The following LARP4B variants were observed in gnomAD, a reference collection of about 807,000 sequenced individuals.
LARP4B encodes the protein La ribonucleoprotein 4B, also known as la-related protein 4B.
Under a neutral mutation model 89.8 loss-of-function variants are expected in LARP4B, and 12 were observed. The observed-to-expected ratio is 0.13, with a 90% CI of 0.09 to 0.22. LARP4B has a LOEUF of 0.22. LARP4B is among the 10% of genes least tolerant of loss of function. LARP4B has a pLI of 1.00. For synonymous variants in LARP4B, 367 were observed against 363.3 expected (o/e 1.01, Z -0.12); for missense variants, 757 against 947.7 (o/e 0.80, Z 2.64).
At chr10:842,900 A>G in intron 7 of LARP4B, 32 bp downstream of exon 7, 1 of 1,599,112 alleles carries the variant, frequency 6.3e-7, no homozygotes, top group Non-Finnish European at 8.6e-7. Context: ...TCTAAGGACA[A>G]GTATTATTAA....
At position 920,752 on chromosome 10, in the gene LARP4B, A is replaced by G. The variant is rs1836956666; in HGVS notation, c.-40+10676T>C. The stretch of plus-strand genomic sequence containing the variant: ...CAGCCACTGCACTTCAGCCTGGGGG[A>G]CAAAGTGAGACTCTGTCTCAAAAAA... On this transcript the variant is annotated intron_variant, in intron 1 of 17. Transcript: ENST00000316157. Among the ~76,000 whole-genome samples the G allele has an allele frequency of 2.6e-5, 4 of 152,240 alleles. No individual in the cohort carries two copies. The Middle Eastern group carries it at 0.014, about 518-fold the overall frequency.
intron 5 of LARP4B, among the ~76,000 whole-genome samples, chr10:861,581 G>A (rs1299639653): frequency 6.6e-6 from 1 of 152,076 alleles, no homozygotes; most frequent in East Asian, 1.9e-4. Flanking sequence ...ACTTTAACAT[G>A]TTGTTATTTC....
the LARP4B span, among the ~76,000 whole-genome samples, chr10:956,503 G>T: frequency 6.6e-6 from 1 of 151,844 alleles, no homozygotes; most frequent in South Asian, 2.1e-4. The surrounding 1 kb of genome is among the most constrained non-coding windows in gnomAD (Gnocchi z 4.3). Flanking sequence ...CCGCCACCAC[G>T]CCCAGCTAAT....
the LARP4B span, among the ~76,000 whole-genome samples, chr10:965,869 G>C: frequency 1.3e-5 from 2 of 152,114 alleles, no homozygotes; most frequent in Non-Finnish European, 2.9e-5. Flanking sequence ...AAAGGAAGCA[G>C]CCATGGAAAC....
rs187040533 is a variant in LARP4B at position 811,968 on chromosome 10, C to T, written c.*958G>A. 4 of 152,542 alleles carry T rather than the reference C, an allele frequency of 2.6e-5. No homozygotes were observed. The highest frequency in any genetic ancestry group is 1.3e-4 in the Admixed American group (2 of 15,306). The allele number at this position is 152,542 out of a possible 1,614,324, so 9.4% of individuals were successfully genotyped here. The stretch of plus-strand genomic sequence containing the variant: ...CAAAGAGGGGGAAAAACCACAAACA[C>T]CATTCTCTCACGATTACATAACTCT... On this transcript the variant is annotated 3_prime_UTR_variant, in exon 18 of 18. Transcript: ENST00000316157.
upstream of LARP4B, among the ~76,000 whole-genome samples, chr10:932,012 G>A (rs1239915479): frequency 7.5e-6 from 1 of 132,906 alleles, no homozygotes; most frequent in Non-Finnish European, 1.6e-5. Flanking sequence ...TCCCCGGCGC[G>A]ACCGGAGCGC....
chr10:984,532 G>A, the LARP4B span, among the ~76,000 whole-genome samples: 1 of 152,178 alleles, frequency 6.6e-6, no homozygotes, highest in Admixed American at 6.5e-5. Flanking sequence ...ACGTGAGCAA[G>A]GGCAGAAGTT....
intron 1 of LARP4B, among the ~76,000 whole-genome samples, chr10:926,976 G>C (rs1312060756): frequency 1.3e-5 from 2 of 151,516 alleles, no homozygotes; most frequent in African/African-American, 4.9e-5. Context: ...GGAGGCAGAG[G>C]TTGCAGTGAG....
intron 1 of LARP4B, among the ~76,000 whole-genome samples, chr10:919,762 C>G (rs1836929777): frequency 6.6e-6 from 1 of 152,350 alleles, no homozygotes; most frequent in Middle Eastern, 3.4e-3. Flanking sequence ...TGCACACAGA[C>G]TCCTGTGTTA....
At chr10:940,776 C>G in the LARP4B span, among the ~76,000 whole-genome samples, 4 of 151,838 alleles carry the variant, frequency 2.6e-5, no homozygotes, top group Non-Finnish European at 5.9e-5. Flanking sequence ...CTGGGGTGGC[C>G]GGTCAATGCC....
intron 3 of LARP4B, among the ~76,000 whole-genome samples, chr10:867,862 GAAAAAAAA>G (rs903762145): frequency 4.4e-4 from 19 of 43,386 alleles, no homozygotes; most frequent in African/African-American, 1.5e-3. Context: ...CTCCATCCTT[GAAAAAAAA>G]AAAAAAAAAA....
chr10:983,556 T>C, the LARP4B span, among the ~76,000 whole-genome samples: 1 of 152,174 alleles, frequency 6.6e-6, no homozygotes, highest in African/African-American at 2.4e-5. Flanking sequence ...CTCTCTGTGC[T>C]CACATGGTCT....
At chr10:959,233 T>C in the LARP4B span, among the ~76,000 whole-genome samples, 1 of 152,128 alleles carries the variant, frequency 6.6e-6, no homozygotes, top group Non-Finnish European at 1.5e-5. Context: ...TGTGGAAATA[T>C]GCGTATTCTC....
chr10:907,271 T>C (rs1836518889), intron 1 of LARP4B, among the ~76,000 whole-genome samples: 1 of 152,150 alleles, frequency 6.6e-6, no homozygotes, highest in African/African-American at 2.4e-5. Context: ...TGGCAACAAA[T>C]GTGGGAAAAA....
At chr10:923,841 A>G (rs11253515) in intron 1 of LARP4B, among the ~76,000 whole-genome samples, 3,930 of 152,266 alleles carry the variant, frequency 0.026, 170 homozygotes, top group African/African-American at 0.09. Context: ...AAATGTTCTC[A>G]TTTTTCAGAG....
chr10:863,400 A>ATT (rs1279380085), intron 5 of LARP4B, among the ~76,000 whole-genome samples: 3 of 147,278 alleles, frequency 2.0e-5, no homozygotes, highest in Admixed American at 1.4e-4. Context: ...TTTTTTTTGT[A>ATT]TTTTTTTTTT....
intron 1 of LARP4B, among the ~76,000 whole-genome samples, chr10:893,899 C>T (rs1836112806): frequency 2.0e-5 from 3 of 152,100 alleles, no homozygotes; most frequent in South Asian, 4.2e-4. Flanking sequence ...TACAGGACAC[C>T]CACTTATTAT....
chr10:857,467 GA>G (rs1279838075), intron 5 of LARP4B, among the ~76,000 whole-genome samples: 2 of 152,184 alleles, frequency 1.3e-5, no homozygotes, highest in Non-Finnish European at 2.9e-5. Context: ...GAAGGCCTCA[GA>G]AACAAAAGTT....
chr10:817,469 G>C (rs1233101406), intron 15 of LARP4B, among the ~76,000 whole-genome samples: 1 of 152,204 alleles, frequency 6.6e-6, no homozygotes, highest in Non-Finnish European at 1.5e-5. Context: ...CTGGGTGAGA[G>C]AAAGGGTGTG....
Sources: gnomAD v4.1 joint callset for allele counts (sites outside exome capture counted in the v4.1 genomes callset) on GRCh38, gnomAD v4.1.1 for gene constraint, Gnocchi (gnomAD v3.1) non-coding constraint, MANE v1.5 for transcripts, NCBI Gene and HGNC (gene_info 2026-07-23, HGNC 2026-07-21) for gene names.